Variants in PKHD1 observed in about 807,000 individuals in gnomAD.
PKHD1 encodes the protein PKHD1 ciliary IPT domain containing fibrocystin/polyductin, also known as fibrocystin.
Under a neutral mutation model 412.0 loss-of-function variants are expected in PKHD1, and 291 were observed. That is an observed-to-expected ratio of 0.71 (90% CI 0.64 to 0.78). PKHD1 has a LOEUF of 0.78. PKHD1 is among the 30% of genes least tolerant of loss of function. PKHD1 has a pLI of 0.00. For missense variants in PKHD1, 4,825 were observed against 4,950.7 expected, an observed-to-expected ratio of 0.97 and a Z score of 0.76; for synonymous variants, 1,777 against 1,821.5, an observed-to-expected ratio of 0.98 and a Z score of 0.62.
intron 63 of PKHD1, among the ~76,000 whole-genome samples, chr6:51,641,928 G>A (rs571983706): frequency 6.6e-6 from 1 of 152,108 alleles, no homozygotes. Flanking sequence ...ATAGCATTAG[G>A]AGAAATAACT....
intron 63 of PKHD1, among the ~76,000 whole-genome samples, chr6:51,642,707 G>T (rs965500526): frequency 6.6e-6 from 1 of 152,124 alleles, no homozygotes; most frequent in African/African-American, 2.4e-5. Context: ...AGGTGTGGTG[G>T]TGGGCACCTG....
intron 36 of PKHD1, among the ~76,000 whole-genome samples, chr6:51,940,441 C>G (rs909924222): frequency 1.3e-5 from 2 of 151,836 alleles, no homozygotes; most frequent in Admixed American, 6.6e-5. Flanking sequence ...ACCTCCTCCC[C>G]CAGGAGCTTA....
At chr6:51,675,724 C>A (rs1775732891) in intron 60 of PKHD1, among the ~76,000 whole-genome samples, 1 of 152,176 alleles carries the variant, frequency 6.6e-6, no homozygotes, top group South Asian at 2.1e-4. Context: ...GCCGCCCAGC[C>A]ACCCCAGGGC....
chr6:51,746,986 C>T lies in PKHD1; in HGVS notation c.9830-97G>A, dbSNP rs971265689. The T allele has an allele frequency of 1.0e-5, 8 of 768,394 alleles. No homozygotes were observed. In the South Asian group the frequency reaches 1.2e-4, roughly 12 times the overall value. 47.6% of individuals were successfully genotyped at this position (768,394 alleles called of 1,614,324 possible). ...CTAAATATTGTTATAATAATGTATA[C>T]CCTAAGTTAGTTAAAGCTATCCAGG... On this transcript the variant is annotated intron_variant, in intron 58 of 66. Transcript: ENST00000371117.
intron 37 of PKHD1, among the ~76,000 whole-genome samples, chr6:51,919,886 T>C (rs939060659): frequency 6.6e-6 from 1 of 152,250 alleles, no homozygotes; most frequent in Non-Finnish European, 1.5e-5. Flanking sequence ...TTATTCTCTT[T>C]GAAGCAATTG....
intron 43 of PKHD1, among the ~76,000 whole-genome samples, chr6:51,896,032 C>T (rs533341747): frequency 3.6e-4 from 55 of 152,292 alleles, no homozygotes; most frequent in African/African-American, 1.1e-3. Context: ...CACGGAGTCT[C>T]GCTGATTGCT....
At position 52,055,685 on chromosome 6, in the gene PKHD1, C is replaced by G; in HGVS notation, c.1738G>C (p.Glu580Gln). The G allele has an allele frequency of 1.2e-6, 2 of 1,613,922 alleles. No individual in the cohort carries two copies. The highest frequency in any genetic ancestry group is 8.5e-7 in the Non-Finnish European group (1 of 1,179,848). Residue 580 changes from glutamate (E) to glutamine (Q), a missense_variant, in exon 19 of 67, where the codon GAG (glutamate) becomes CAG (glutamine). Transcript: ENST00000371117. ...NSDGDLTSGT[E>Q]PFCGRFSLRQ... ...AGGCTGAACCTGCCACAGAAGGGCT[C>G]CGTCCCACTGGTGAGGTCCCCATCA...
chr6:51,948,393 T>C (rs1283450318), intron 36 of PKHD1, among the ~76,000 whole-genome samples: 3 of 152,184 alleles, frequency 2.0e-5, no homozygotes, highest in African/African-American at 7.2e-5. Flanking sequence ...TTTTGCTCCC[T>C]TGCCTCACAA....
In PKHD1 at chr6:51,956,272, ATATG is replaced by A. The variant is rs966340288; in HGVS notation, c.5908+3594_5908+3597del. Reference sequence around the variant, plus strand: ...TGCGTGTGTAAATATGTATATGTGAATATGTAAGTGTATATGTGTGTACTTATAC... The same window carrying A: ...TGCGTGTGTAAATATGTATATGTGAATAAGTGTATATGTGTGTACTTATAC... On this transcript the variant is annotated intron_variant, in intron 36 of 66. Transcript: ENST00000371117. Among the ~76,000 whole-genome samples the A allele has an allele frequency of 7.6e-4, 114 of 150,234 alleles. 1 individual carries two copies. The highest frequency in any genetic ancestry group is 2.6e-3 in the African/African-American group (108 of 40,788).
At chr6:51,958,172 C>T (rs1327567039) in intron 36 of PKHD1, among the ~76,000 whole-genome samples, 3 of 152,036 alleles carry the variant, frequency 2.0e-5, no homozygotes, top group Non-Finnish European at 4.4e-5. Context: ...GTATCTTATT[C>T]GTGCAGAAAC....
intron 28 of PKHD1, among the ~76,000 whole-genome samples, chr6:52,034,578 G>A (rs1803635764): frequency 6.6e-6 from 1 of 152,086 alleles, no homozygotes; most frequent in Non-Finnish European, 1.5e-5. Flanking sequence ...CAATGATGGT[G>A]GGAGTATAAT....
At chr6:51,622,940 A>G (rs1322656384) in intron 66 of PKHD1, 1 of 152,052 alleles carries the variant, frequency 6.6e-6, no homozygotes, top group Non-Finnish European at 1.5e-5. Context: ...TCTATTACCT[A>G]TATATGATAT....
At chr6:51,780,743 C>A (rs1281326978) in intron 53 of PKHD1, among the ~76,000 whole-genome samples, 2 of 152,140 alleles carry the variant, frequency 1.3e-5, no homozygotes, top group East Asian at 1.9e-4. Flanking sequence ...TCATTTTCCA[C>A]AATTAATAAA....
At chr6:51,632,118 AT>A (rs776701844) in intron 65 of PKHD1, among the ~76,000 whole-genome samples, 61 of 151,712 alleles carry the variant, frequency 4.0e-4, no homozygotes, top group Non-Finnish European at 7.5e-4. Context: ...TAATTTTTGT[AT>A]TTTTAGTAGA....
intron 41 of PKHD1, among the ~76,000 whole-genome samples, chr6:51,904,384 C>T (rs540922357): frequency 1.3e-5 from 2 of 152,154 alleles, no homozygotes; most frequent in Non-Finnish European, 2.9e-5. Flanking sequence ...ATGCCCTCAC[C>T]TTCCCTTGGA....
At chr6:51,636,101 T>C (rs776138411) in intron 64 of PKHD1, among the ~76,000 whole-genome samples, 1 of 152,184 alleles carries the variant, frequency 6.6e-6, no homozygotes, top group Non-Finnish European at 1.5e-5. Context: ...AAGTGATAAA[T>C]GAGCTGGATT....
At chr6:51,974,091 G>A (rs1315614869) in intron 35 of PKHD1, among the ~76,000 whole-genome samples, 1 of 152,132 alleles carries the variant, frequency 6.6e-6, no homozygotes, top group African/African-American at 2.4e-5. Context: ...GAAAAAGGGG[G>A]CAAGCAAGAA....
intron 60 of PKHD1, chr6:51,740,148 T>C: frequency 2.5e-6 from 1 of 402,498 alleles, no homozygotes; most frequent in Non-Finnish European, 5.0e-6. Flanking sequence ...TCTACTGTTA[T>C]ACATTTTTCC....
chr6:51,980,544 CAAAT>C (rs1462875322), intron 35 of PKHD1, among the ~76,000 whole-genome samples: 7 of 152,068 alleles, frequency 4.6e-5, no homozygotes, highest in African/African-American at 7.2e-5. Context: ...GATAAAATGA[CAAAT>C]AACATAATTC....
Sources: gnomAD v4.1 joint callset for allele counts (sites outside exome capture counted in the v4.1 genomes callset) on GRCh38, gnomAD v4.1.1 for gene constraint, MANE v1.5 for transcripts, NCBI Gene and HGNC (gene_info 2026-07-23, HGNC 2026-07-21) for gene names.